The following SPAG17 variants were observed in gnomAD, a reference collection of about 807,000 sequenced individuals.
SPAG17 encodes sperm associated antigen 17.
In SPAG17, 169 loss-of-function variants were observed where a neutral mutation model predicts 273.6. The observed-to-expected ratio is 0.62, with a 90% confidence interval of 0.55 to 0.70. The LOEUF is 0.70. Among genes scored for constraint, SPAG17 ranks in the 30% least tolerant of loss-of-function variants. The pLI is 0.00. For missense variants in SPAG17, 2,557 were observed against 2,627.8 expected (o/e 0.97, Z 0.59); for synonymous variants, 825 against 873.2 (o/e 0.94, Z 0.97).
intron 34 of SPAG17, among the ~76,000 whole-genome samples, chr1:117,994,912 T>C (rs142565340): frequency 1.2e-3 from 178 of 152,250 alleles, no homozygotes; most frequent in African/African-American, 3.4e-3. Context: ...TTGCCACCTA[T>C]ATATACTCTG....
Position 118,015,829 on chromosome 1 carries a change from T to A in SPAG17, c.4287+136A>T, listed in dbSNP as rs1357322888. On this transcript the variant is annotated intron_variant, in intron 29 of 48. Transcript: ENST00000336338. ...TTTGGAAAATGAATCCAATCATCCA[T>A]CCATCCACCCATCCATCCATCCACT... is the stretch of plus-strand genomic sequence containing the variant. The A allele has an allele frequency of 6.5e-6, 5 of 770,304 alleles. No individual in the cohort carries two copies. The Admixed American group carries it at 1.4e-4, about 21-fold the overall frequency. The allele number at this position is 770,304 out of a possible 1,614,324, so 47.7% of individuals were successfully genotyped here.
chr1:117,987,951 C>T (rs1380300182), intron 39 of SPAG17, 70 bp from the exon 40 acceptor site: 3 of 1,551,460 alleles, frequency 1.9e-6, no homozygotes, highest in African/African-American at 1.4e-5. Flanking sequence ...AACCAAAAAC[C>T]CTCACCACTA....
At chr1:118,000,976 A>G (rs1658216427) in intron 32 of SPAG17, among the ~76,000 whole-genome samples, 1 of 152,112 alleles carries the variant, frequency 6.6e-6, no homozygotes, top group Non-Finnish European at 1.5e-5. Context: ...AATAGCTCTT[A>G]TTATTTTGAG....
Position 117,992,650 on chromosome 1 carries a change from T to G in SPAG17, c.5179-2A>C. On this transcript the variant is annotated splice_acceptor_variant, in intron 35 of 48. Transcript: ENST00000336338. LOFTEE classifies it high-confidence loss of function. ...AAACGGAGGTCCTGGAGTTTTTTTC[T>G]GTTAACAAAACAAAGCAATAACACC... 1 of 1,581,388 alleles carries G rather than the reference T, an allele frequency of 6.3e-7. No individual in the cohort carries two copies. The highest frequency in any genetic ancestry group is 2.3e-5 in the East Asian group (1 of 44,056).
At chr1:118,126,822 T>C (rs1657763073) in intron 3 of SPAG17, among the ~76,000 whole-genome samples, 1 of 152,246 alleles carries the variant, frequency 6.6e-6, no homozygotes, top group African/African-American at 2.4e-5. Context: ...TAGTTTTAGA[T>C]CTTACATTTA....
chr1:118,109,372 C>A, intron 4 of SPAG17, among the ~76,000 whole-genome samples: 1 of 140,898 alleles, frequency 7.1e-6, no homozygotes, highest in Non-Finnish European at 1.6e-5. Flanking sequence ...ATGGCGATAT[C>A]CCATCTTTAC....
Position 118,099,704 on chromosome 1 carries a change from A to G in SPAG17, c.731T>C (p.Ile244Thr). The change falls in exon 6 of 49, where the codon ATA (isoleucine) becomes ACA (threonine). Residue 244 changes from isoleucine to threonine, a missense_variant. Coordinates refer to ENST00000336338, the MANE Select transcript of SPAG17 (RefSeq NM_206996.4). ...TGAAGATATTTTAATCACGCTGGTT[A>G]TAGGAATGCCAAGCTCAGCCATAAT... ...LAIMAELGIPITSVIKISSEN... is the reference protein window; with the variant it reads ...LAIMAELGIPTTSVIKISSEN... The G allele has an allele frequency of 6.2e-7, 1 of 1,613,996 alleles. No homozygotes were observed. Among genetic ancestry groups the G allele is most frequent in the Non-Finnish European group, 8.5e-7 (1 of 1,179,928 alleles).
chr1:118,049,993 C>G (rs922955792), intron 20 of SPAG17, among the ~76,000 whole-genome samples: 1 of 152,064 alleles, frequency 6.6e-6, no homozygotes, highest in African/African-American at 2.4e-5. Context: ...TGAGTGGGCT[C>G]AAATATGTGC....
At chr1:118,147,769 A>G (rs1007265376) in intron 3 of SPAG17, among the ~76,000 whole-genome samples, 1 of 152,184 alleles carries the variant, frequency 6.6e-6, no homozygotes, top group African/African-American at 2.4e-5. Flanking sequence ...TGAGCAAATC[A>G]CTTAGGAATG....
intron 48 of SPAG17, chr1:117,961,861 T>C (rs1370052830): frequency 6.6e-6 from 1 of 152,426 alleles, no homozygotes; most frequent in African/African-American, 2.4e-5. Context: ...AAGGAGTCAG[T>C]GTTGTTTAGG....
intron 20 of SPAG17, among the ~76,000 whole-genome samples, chr1:118,049,913 A>C (rs1361172380): frequency 1.3e-5 from 2 of 152,206 alleles, no homozygotes; most frequent in East Asian, 1.9e-4. Context: ...GGAAGGAGGC[A>C]TCTCCCAATA....
rs751200784 is a variant in SPAG17 at position 118,040,800 on chromosome 1, T to C, written c.3096A>G (p.Ser1032=). The change falls in exon 22 of 49, where the codon TCA becomes TCG. Residue 1032 remains serine, a synonymous_variant. Transcript: ENST00000336338. ...AAGGATACAGGTAGTAATTTGACCC[T>C]GAGATTTGAGTGGGTATATTTCCCA... The part of the protein sequence containing the change: ...YNMGNIPTQI[S]GSNYYLYPSD... 1.3e-6 allele frequency: 2 copies of C among 1,598,984 alleles called. No individual in the cohort carries two copies. Among genetic ancestry groups the C allele is most frequent in the Admixed American group, 1.7e-5 (1 of 59,958 alleles).
chr1:117,963,909 G>T lies in SPAG17; in HGVS notation c.6562C>A (p.Arg2188=), dbSNP rs368238767. 2 of 1,613,820 alleles carry T rather than the reference G, an allele frequency of 1.2e-6. No homozygotes were observed. The highest frequency in any genetic ancestry group is 4.5e-5 in the East Asian group (2 of 44,866). ...TTTCCCTGGGGAAAGTCTTTTGGTCGTTTATCATAATTGCTGCTTGTTAAA... is the reference window on the plus strand; with the variant it reads ...TTTCCCTGGGGAAAGTCTTTTGGTCTTTTATCATAATTGCTGCTTGTTAAA... ...TVLTSSNYDK[R]PKDFPQGKEN... is the part of the protein sequence containing the mutation. The change falls in exon 48 of 49, where the codon CGA becomes AGA. Residue 2188 remains arginine, a synonymous_variant. Transcript: ENST00000336338.
At position 118,101,612 on chromosome 1, in the gene SPAG17, A is replaced by G. The variant is rs1002647103; in HGVS notation, c.634+128T>C. ...GAAAATTCTAGTGTCTCTAGGGCAA[A>G]ATGATTGTGGGGGAATTGGCGTCAG... is the stretch of plus-strand genomic sequence containing the variant. On this transcript the variant is annotated intron_variant, in intron 5 of 48. Transcript: ENST00000336338. 17 of 894,750 alleles carry G rather than the reference A, an allele frequency of 1.9e-5. No homozygotes were observed. In the South Asian group the frequency reaches 2.9e-4, roughly 15 times the overall value. 55.4% of individuals were successfully genotyped at this position (894,750 alleles called of 1,614,324 possible).
intron 1 of SPAG17, 52 bp downstream of exon 1, chr1:118,185,019 G>A: frequency 6.7e-7 from 1 of 1,498,878 alleles, no homozygotes; most frequent in Non-Finnish European, 9.3e-7. Context: ...GGGTCTGGCC[G>A]GGCCTCTGGC....
chr1:118,014,045 C>T (rs1659732299), intron 29 of SPAG17, among the ~76,000 whole-genome samples: 1 of 152,214 alleles, frequency 6.6e-6, no homozygotes, highest in Non-Finnish European at 1.5e-5. Flanking sequence ...AATTTTGTTT[C>T]ATATGCCAGT....
At chr1:118,147,027 T>C (rs1036569524) in intron 3 of SPAG17, among the ~76,000 whole-genome samples, 1 of 152,210 alleles carries the variant, frequency 6.6e-6, no homozygotes, top group South Asian at 2.1e-4. Flanking sequence ...ACTTTACCTG[T>C]CTCTCAAGAA....
intron 28 of SPAG17, among the ~76,000 whole-genome samples, chr1:118,019,073 G>T (rs923287410): frequency 7.1e-6 from 1 of 140,626 alleles, no homozygotes; most frequent in African/African-American, 2.6e-5. Context: ...ACCAGCTCAA[G>T]AATTTAGAAT....
chr1:118,155,636 T>A (rs904511419), intron 1 of SPAG17, among the ~76,000 whole-genome samples: 6 of 152,182 alleles, frequency 3.9e-5, no homozygotes, highest in African/African-American at 1.2e-4. Flanking sequence ...CCAGTAGTGG[T>A]CAGCGCCCTT....
Sources: allele counts gnomAD v4.1 joint callset (sites outside exome capture counted in the v4.1 genomes callset), GRCh38; gene constraint gnomAD v4.1.1; transcripts MANE v1.5; gene names NCBI Gene and HGNC (gene_info 2026-07-23, HGNC 2026-07-21).